The following FHIT variants were observed in gnomAD, a reference collection of about 807,000 sequenced individuals.
FHIT encodes fragile histidine triad diadenosine triphosphatase.
A neutral mutation model predicts 17.9 loss-of-function variants in FHIT; 19 were observed. The ratio of observed to expected loss-of-function variants is 1.06; its 90% confidence interval spans 0.74 to 1.56. FHIT has a LOEUF of 1.56. Ranked by LOEUF, FHIT falls within the 40% of genes most tolerant of loss-of-function variation. FHIT has a pLI of 0.00. For synonymous variants in FHIT, 81 were observed against 69.7 expected (o/e 1.16, Z -0.81); for missense variants, 248 against 189.2 (o/e 1.31, Z -1.82).
At chr3:60,230,800 T>A (rs1425558867) in intron 5 of FHIT, among the ~76,000 whole-genome samples, 1 of 152,200 alleles carries the variant, frequency 6.6e-6, no homozygotes. Context: ...GACCTCCCCA[T>A]CCTGGGTTCA....
Position 59,755,663 on chromosome 3 carries a change from A to T in FHIT, c.349-3342T>A, listed in dbSNP as rs79184497. Among the ~76,000 whole-genome samples the T allele has an allele frequency of 0.014, 2,078 of 152,300 alleles. 107 individuals are homozygous for T. The East Asian group carries it at 0.16, about 12-fold the overall frequency. On this transcript the variant is annotated intron_variant, in intron 8 of 9. Coordinates refer to ENST00000492590, the MANE Select transcript of FHIT (RefSeq NM_002012.4). ...CAGGGGCCAGACCTAGCACTGGAAC[A>T]CTGAACCAGACAGACTCCTTTATTG... is the stretch of plus-strand genomic sequence containing the variant.
At chr3:60,611,294 C>CA (rs1462027338) in intron 4 of FHIT, among the ~76,000 whole-genome samples, 12 of 152,266 alleles carry the variant, frequency 7.9e-5, no homozygotes, top group African/African-American at 2.6e-4. Context: ...TGCCTTTTAA[C>CA]AAAACATTCC....
chr3:60,763,430 GCAT>G (rs1382144468), intron 4 of FHIT, among the ~76,000 whole-genome samples: 1 of 152,080 alleles, frequency 6.6e-6, no homozygotes, highest in Non-Finnish European at 1.5e-5. Context: ...CCAATACCTA[GCAT>G]TTATTGAGTT....
At chr3:61,028,155 T>A (rs534167313) in intron 3 of FHIT, among the ~76,000 whole-genome samples, 42 of 152,320 alleles carry the variant, frequency 2.8e-4, no homozygotes, top group African/African-American at 1.0e-3. Flanking sequence ...GCAATTCCTA[T>A]CCTGCACAAT....
intron 5 of FHIT, among the ~76,000 whole-genome samples, chr3:60,121,193 A>C (rs999339303): frequency 6.6e-6 from 1 of 152,160 alleles, no homozygotes; most frequent in Admixed American, 6.5e-5. Context: ...GGCTGTAAGA[A>C]GACAGAAGCC....
At chr3:60,647,159 G>T (rs1577022568) in intron 4 of FHIT, among the ~76,000 whole-genome samples, 1 of 152,196 alleles carries the variant, frequency 6.6e-6, no homozygotes, top group Non-Finnish European at 1.5e-5. Context: ...GTTGTGGAAA[G>T]GCATGGGAGA....
intron 5 of FHIT, among the ~76,000 whole-genome samples, chr3:60,526,806 G>C (rs758397719): frequency 9.2e-5 from 14 of 152,158 alleles, no homozygotes; most frequent in Non-Finnish European, 1.5e-4. Flanking sequence ...CAGCTTCGTA[G>C]CATCAAGCCA....
chr3:61,210,119 G>A (rs928454837), intron 1 of FHIT, among the ~76,000 whole-genome samples: 1 of 152,222 alleles, frequency 6.6e-6, no homozygotes, highest in Non-Finnish European at 1.5e-5. Flanking sequence ...CGTGGCTGCA[G>A]AACAGCGGAT....
intron 7 of FHIT, among the ~76,000 whole-genome samples, chr3:59,980,762 C>A (rs1708618388): frequency 6.6e-6 from 1 of 152,138 alleles, no homozygotes; most frequent in African/African-American, 2.4e-5. Context: ...CACCAGACAA[C>A]AAAGCTGCCA....
At chr3:61,079,172 A>AAGCT (rs2035057128) in intron 2 of FHIT, among the ~76,000 whole-genome samples, 1 of 152,192 alleles carries the variant, frequency 6.6e-6, no homozygotes, top group Non-Finnish European at 1.5e-5. Context: ...GCAGTCACAA[A>AAGCT]AGCTAGCAAG....
At chr3:60,121,723 C>A (rs1257854291) in intron 5 of FHIT, among the ~76,000 whole-genome samples, 17 of 136,624 alleles carry the variant, frequency 1.2e-4, no homozygotes, top group South Asian at 4.6e-4. Context: ...CACACACACA[C>A]ACACACACAC....
At chr3:60,602,124 G>A (rs1170410468) in intron 4 of FHIT, among the ~76,000 whole-genome samples, 2 of 152,124 alleles carry the variant, frequency 1.3e-5, no homozygotes, top group Non-Finnish European at 2.9e-5. Context: ...AAAATTCTCA[G>A]TTTTCACACA....
At chr3:59,948,834 A>C in intron 7 of FHIT, among the ~76,000 whole-genome samples, 1 of 151,852 alleles carries the variant, frequency 6.6e-6, no homozygotes, top group East Asian at 1.9e-4. Flanking sequence ...TCTATCATAA[A>C]GTTTTTTTTT....
intron 2 of FHIT, among the ~76,000 whole-genome samples, chr3:61,189,167 T>C (rs895047189): frequency 3.3e-5 from 5 of 152,208 alleles, no homozygotes; most frequent in Non-Finnish European, 7.3e-5. Context: ...ATGACATGAA[T>C]GTATATCTAG....
chr3:61,154,932 A>G (rs1560025551), intron 2 of FHIT, among the ~76,000 whole-genome samples: 5 of 152,262 alleles, frequency 3.3e-5, no homozygotes, highest in East Asian at 3.9e-4. Context: ...AGTTCACATC[A>G]TCTCACCCCC....
chr3:60,230,877 AT>A (rs1704462431), intron 5 of FHIT, among the ~76,000 whole-genome samples: 1 of 152,120 alleles, frequency 6.6e-6, no homozygotes, highest in South Asian at 2.1e-4. Flanking sequence ...CGTCTGGCTA[AT>A]TTTTGTATTT....
At chr3:60,507,701 A>G (rs2034790293) in intron 5 of FHIT, among the ~76,000 whole-genome samples, 1 of 151,980 alleles carries the variant, frequency 6.6e-6, no homozygotes, top group Non-Finnish European at 1.5e-5. Flanking sequence ...GCCCCAGTAT[A>G]CATTGTTTCC....
chr3:60,774,028 GATGAGCTTAAGGAAGATACGAAA>G (rs1444023013), intron 4 of FHIT, among the ~76,000 whole-genome samples: 3 of 152,180 alleles, frequency 2.0e-5, no homozygotes, highest in African/African-American at 7.2e-5. Context: ...ACCTTTGATG[GATGAGCTTAAGGAAGATACGAAA>G]ATGGCAAAAT....
intron 4 of FHIT, among the ~76,000 whole-genome samples, chr3:60,590,870 C>T (rs1553663987): frequency 3.3e-5 from 5 of 152,024 alleles, no homozygotes; most frequent in South Asian, 2.1e-4. Flanking sequence ...AGAAAAAGGG[C>T]TCCTCATCAA....
Sources: gnomAD v4.1 joint callset for allele counts (sites outside exome capture counted in the v4.1 genomes callset) on GRCh38, gnomAD v4.1.1 for gene constraint, MANE v1.5 for transcripts, NCBI Gene and HGNC (gene_info 2026-07-23, HGNC 2026-07-21) for gene names.